CSMD2: variants seen among roughly 807,000 people sequenced by gnomAD.
CSMD2 encodes CUB and Sushi multiple domains 2, also known as CUB and sushi domain-containing protein 2.
Under a neutral mutation model 398.5 loss-of-function variants are expected in CSMD2, and 130 were observed. The observed-to-expected ratio is 0.33, with a 90% CI of 0.28 to 0.38. CSMD2 has a LOEUF of 0.38. Among genes scored for constraint, CSMD2 ranks in the 10% least tolerant of loss-of-function variants. The pLI, the probability that CSMD2 is intolerant of heterozygous loss-of-function variation, is 1.00. For synonymous variants in CSMD2, 1,828 were observed against 1,908.5 expected (o/e 0.96, Z 1.10); for missense variants, 3,829 against 4,764.9 (o/e 0.80, Z 5.78).
chr1:33,819,872 T>A (rs1179404846), intron 8 of CSMD2, 35 bp from the exon 9 acceptor site: 1 of 1,611,306 alleles, frequency 6.2e-7, no homozygotes, highest in Non-Finnish European at 8.5e-7. Flanking sequence ...GCTCCATCCC[T>A]GGGCCTGCCA....
In CSMD2 at chr1:34,164,762, T is replaced by G; in HGVS notation, c.187+149A>C. Reference sequence around the variant, plus strand: ...GTGGGGTGGGAGACGGAGGCAGGGATGAGAATGAGAGTAGGCAACTGGGAG... The same window carrying G: ...GTGGGGTGGGAGACGGAGGCAGGGAGGAGAATGAGAGTAGGCAACTGGGAG... On this transcript the variant is annotated intron_variant, in intron 1 of 70. Coordinates refer to ENST00000373381, the MANE Select transcript of CSMD2 (RefSeq NM_001281956.2). The surrounding 1 kb of genome is among the most constrained non-coding windows in gnomAD (Gnocchi z 6.2). 3.2e-5 allele frequency: 21 copies of G among 648,760 alleles called. No homozygotes were observed. The highest frequency in any genetic ancestry group is 4.1e-5 in the East Asian group (1 of 24,672). The allele number at this position is 648,760 out of a possible 1,614,324, so 40.2% of individuals were successfully genotyped here. A position where few individuals can be genotyped will look rare whatever the true frequency, so the allele number is the denominator to read the frequency against.
intron 3 of CSMD2, among the ~76,000 whole-genome samples, chr1:33,992,664 C>G (rs1441997826): frequency 6.6e-6 from 1 of 150,860 alleles, no homozygotes; most frequent in East Asian, 2.0e-4. Context: ...GTCAGGAGAT[C>G]GAGACCATCC....
At chr1:33,788,453 A>C in intron 12 of CSMD2, 147 bp downstream of exon 12, 1 of 581,784 alleles carries the variant, frequency 1.7e-6, no homozygotes, top group Non-Finnish European at 3.0e-6. Context: ...GGCTGTAGTG[A>C]GCTAAGATCG....
intron 2 of CSMD2, among the ~76,000 whole-genome samples, chr1:34,075,123 G>A (rs1234403401): frequency 6.6e-6 from 1 of 152,242 alleles, no homozygotes; most frequent in African/African-American, 2.4e-5. Context: ...TACCATGAGA[G>A]CATGAACACA....
chr1:33,804,697 T>G (rs922096327), intron 10 of CSMD2: 16 of 717,076 alleles, frequency 2.2e-5, no homozygotes, highest in Non-Finnish European at 3.9e-5. Flanking sequence ...CTGAAGGAGA[T>G]GTCTGAAGGT....
chr1:33,602,324 G>A (rs750411701), intron 43 of CSMD2, 45 bp downstream of exon 43: 4 of 1,602,290 alleles, frequency 2.5e-6, no homozygotes, highest in African/African-American at 1.3e-5. Context: ...TAGAACCCCA[G>A]TAATGCTCCT....
intron 2 of CSMD2, among the ~76,000 whole-genome samples, chr1:34,049,036 A>G (rs979676786): frequency 6.6e-6 from 1 of 152,136 alleles, no homozygotes; most frequent in Admixed American, 6.5e-5. Flanking sequence ...GACCCTTCTC[A>G]GTAAGAGGGG....
At chr1:33,646,561 A>G (rs959805327) in intron 29 of CSMD2, 87 bp downstream of exon 29, 67 of 1,427,206 alleles carry the variant, frequency 4.7e-5, no homozygotes, top group Non-Finnish European at 6.2e-5. Flanking sequence ...GGTCCAGCCC[A>G]GGGCTCTCCT....
rs1309366322 is a variant in CSMD2, at chr1:33,938,015, TACTC to T, written c.518-2065_518-2062del. 8.5e-5 allele frequency among the ~76,000 whole-genome samples: 13 copies of T among 152,370 alleles called. No individual in the cohort carries two copies. The South Asian group carries it at 2.7e-3, about 32-fold the overall frequency. On this transcript the variant is annotated intron_variant, in intron 3 of 70. Coordinates refer to ENST00000373381, the MANE Select transcript of CSMD2 (RefSeq NM_001281956.2). ...TTCATTAATTAGTTATTTGGAGAGT[TACTC>T]ATTCATGTATTAATTCCTTCATGCA...
intron 10 of CSMD2, among the ~76,000 whole-genome samples, chr1:33,809,346 A>G (rs1282250980): frequency 6.6e-6 from 1 of 152,066 alleles, no homozygotes; most frequent in African/African-American, 2.4e-5. Context: ...TAAGAATGCA[A>G]GGTTGGTTTG....
At chr1:33,977,379 C>T (rs938473295) in intron 3 of CSMD2, among the ~76,000 whole-genome samples, 1 of 151,900 alleles carries the variant, frequency 6.6e-6, no homozygotes, top group African/African-American at 2.4e-5. Context: ...TCCATCCCTC[C>T]ATCAGGGCAG....
At chr1:33,978,701 G>A (rs1033322053) in intron 3 of CSMD2, among the ~76,000 whole-genome samples, 1 of 152,158 alleles carries the variant, frequency 6.6e-6, no homozygotes, top group Non-Finnish European at 1.5e-5. Flanking sequence ...CAGAGTGGCT[G>A]GGATGATGCA....
intron 19 of CSMD2, among the ~76,000 whole-genome samples, chr1:33,717,407 C>G (rs543988): frequency 0.78 from 118,340 of 151,656 alleles, 46,414 homozygotes; most frequent in African/African-American, 0.86. Flanking sequence ...TGGCCATGAG[C>G]CTTCAGGGGT....
chr1:33,537,207 C>T lies in CSMD2; in HGVS notation c.9806-112G>A. On this transcript the variant is annotated intron_variant, in intron 61 of 70. Coordinates refer to ENST00000373381, the MANE Select transcript of CSMD2 (RefSeq NM_001281956.2). The surrounding 1 kb of genome is among the most constrained non-coding windows in gnomAD (Gnocchi z 4.6). Reference sequence around the variant, plus strand: ...AAAATGCGGCCACATCCTGACTTCCCTGCCCACTGAGATCCCCACCTGAGC... The same window carrying T: ...AAAATGCGGCCACATCCTGACTTCCTTGCCCACTGAGATCCCCACCTGAGC... 1 of 1,259,546 alleles carries T rather than the reference C, an allele frequency of 7.9e-7. No individual in the cohort carries two copies. Among genetic ancestry groups the T allele is most frequent in the South Asian group, 1.3e-5 (1 of 77,012 alleles). The allele number at this position is 1,259,546 out of a possible 1,614,324, so 78.0% of individuals were successfully genotyped here.
intron 7 of CSMD2, among the ~76,000 whole-genome samples, chr1:33,824,326 C>T (rs1658534376): frequency 6.6e-6 from 1 of 152,202 alleles, no homozygotes; most frequent in Non-Finnish European, 1.5e-5. Flanking sequence ...TCTCCTAGCA[C>T]CCTGTCCTTT....
intron 21 of CSMD2, among the ~76,000 whole-genome samples, chr1:33,710,371 C>T (rs1645943808): frequency 6.6e-6 from 1 of 151,942 alleles, no homozygotes; most frequent in Non-Finnish European, 1.5e-5. Context: ...CAAGGCTTAG[C>T]CTGGATTGTC....
At chr1:33,672,960 G>A (rs994834957) in intron 25 of CSMD2, among the ~76,000 whole-genome samples, 1 of 152,210 alleles carries the variant, frequency 6.6e-6, no homozygotes, top group South Asian at 2.1e-4. Flanking sequence ...AACCCCATCT[G>A]TACGTCACCA....
chr1:33,557,430 C>T (rs1319571935), intron 55 of CSMD2, among the ~76,000 whole-genome samples: 2 of 152,000 alleles, frequency 1.3e-5, no homozygotes, highest in African/African-American at 4.8e-5. Context: ...GCAGCCAGTT[C>T]TGAAAAAAGG....
intron 1 of CSMD2, among the ~76,000 whole-genome samples, chr1:34,137,101 A>G (rs1162181888): frequency 6.6e-6 from 1 of 151,938 alleles, no homozygotes; most frequent in Admixed American, 6.6e-5. Context: ...GATCCCAAAT[A>G]CCCATCAATG....
Sources: gnomAD v4.1 joint callset for allele counts (sites outside exome capture counted in the v4.1 genomes callset) on GRCh38, gnomAD v4.1.1 for gene constraint, Gnocchi (gnomAD v3.1) non-coding constraint, MANE v1.5 for transcripts, NCBI Gene and HGNC (gene_info 2026-07-23, HGNC 2026-07-21) for gene names.